The following MAGI1 variants were observed in gnomAD, a reference collection of about 807,000 sequenced individuals.
The protein encoded by MAGI1 is membrane-associated guanylate kinase, WW and PDZ domain-containing protein 1.
MAGI1 carries 58 observed loss-of-function variants against 139.9 expected under a neutral mutation model. The observed-to-expected ratio is 0.41, with a 90% CI of 0.34 to 0.52. MAGI1 has a LOEUF of 0.52. Among genes scored for constraint, MAGI1 ranks in the 20% least tolerant of loss-of-function variants. The pLI is 0.12. For synonymous variants in MAGI1, 812 were observed against 737.9 expected (o/e 1.10, Z -1.63); for missense variants, 1,874 against 1,901.6 (o/e 0.99, Z 0.27).
intron 12 of MAGI1, among the ~76,000 whole-genome samples, chr3:65,415,623 T>G (rs1325661019): frequency 1.3e-5 from 2 of 152,192 alleles, no homozygotes; most frequent in Non-Finnish European, 2.9e-5. Context: ...TCCAATAAAA[T>G]TTCTTCAATC....
chr3:65,494,648 A>G (rs921784346), intron 2 of MAGI1, among the ~76,000 whole-genome samples: 16 of 152,226 alleles, frequency 1.1e-4, no homozygotes, highest in Admixed American at 7.9e-4. Context: ...TTCCTATATA[A>G]TAAGCAACGA....
At chr3:65,691,070 G>C (rs1576750986) in intron 1 of MAGI1, among the ~76,000 whole-genome samples, 1 of 151,900 alleles carries the variant, frequency 6.6e-6, no homozygotes, top group East Asian at 1.9e-4. Flanking sequence ...TGGGAGGCCG[G>C]GGCAGGCGGA....
chr3:65,714,838 TTC>T (rs2032019851), intron 1 of MAGI1, among the ~76,000 whole-genome samples: 1 of 152,076 alleles, frequency 6.6e-6, no homozygotes, highest in South Asian at 2.1e-4. Context: ...CATCTGAAAT[TTC>T]TGTTTACCAC....
intron 1 of MAGI1, among the ~76,000 whole-genome samples, chr3:66,008,098 T>C (rs374066245): frequency 2.0e-5 from 3 of 152,054 alleles, no homozygotes; most frequent in South Asian, 2.1e-4. Flanking sequence ...GGTTCCACCA[T>C]GTTGGCCACG....
At chr3:65,699,712 C>T (rs1230571194) in intron 1 of MAGI1, among the ~76,000 whole-genome samples, 1 of 122,944 alleles carries the variant, frequency 8.1e-6, no homozygotes, top group Non-Finnish European at 1.6e-5. Flanking sequence ...GAATATCACA[C>T]TCTGGGGACT....
intron 1 of MAGI1, among the ~76,000 whole-genome samples, chr3:65,880,908 C>CGTGTGTGTGTGTGTGTGTGTGTGTGTAT (rs1553723027): frequency 4.1e-4 from 60 of 145,680 alleles, no homozygotes; most frequent in African/African-American, 1.4e-3. Context: ...ATATCTCTGG[C>CGTGTGTGTGTGTGTGTGTGTGTGTGTAT]GTGTGTGTGT....
At chr3:65,642,125 GAACA>G (rs1199041923) in intron 1 of MAGI1, among the ~76,000 whole-genome samples, 1 of 152,112 alleles carries the variant, frequency 6.6e-6, no homozygotes, top group African/African-American at 2.4e-5. Context: ...AAAGATGAAA[GAACA>G]AATAGAAGGC....
At chr3:65,650,795 G>A (rs1265311897) in intron 1 of MAGI1, among the ~76,000 whole-genome samples, 1 of 152,168 alleles carries the variant, frequency 6.6e-6, no homozygotes, top group Non-Finnish European at 1.5e-5. Context: ...GATTTAAGCA[G>A]TGCTCCCAGG....
intron 2 of MAGI1, among the ~76,000 whole-genome samples, chr3:65,561,217 T>G (rs570760367): frequency 6.6e-6 from 1 of 152,202 alleles, no homozygotes; most frequent in Admixed American, 6.5e-5. Flanking sequence ...AAATCTTCCC[T>G]ATTTGGCAGA....
At chr3:65,985,001 C>A (rs2065806839) in intron 1 of MAGI1, among the ~76,000 whole-genome samples, 1 of 152,342 alleles carries the variant, frequency 6.6e-6, no homozygotes, top group African/African-American at 2.4e-5. Context: ...GGCCTTCTAA[C>A]TCTCCATCCA....
chr3:65,898,569 G>GCTCCTTCATTTGCTATGT (rs1404826084), intron 1 of MAGI1, among the ~76,000 whole-genome samples: 2 of 152,112 alleles, frequency 1.3e-5, no homozygotes, highest in Admixed American at 6.6e-5. Context: ...TAAGTTCATG[G>GCTCCTTCATTTGCTATGT]CTCCTTCATT....
chr3:65,834,118 A>G (rs1025405143), intron 1 of MAGI1, among the ~76,000 whole-genome samples: 1 of 152,228 alleles, frequency 6.6e-6, no homozygotes, highest in Non-Finnish European at 1.5e-5. Flanking sequence ...TAAACAACAA[A>G]GGTAACTTCA....
intron 5 of MAGI1, among the ~76,000 whole-genome samples, chr3:65,463,416 A>G (rs1262155080): frequency 1.3e-5 from 2 of 152,118 alleles, no homozygotes; most frequent in Non-Finnish European, 2.9e-5. Flanking sequence ...ATTGATTTGC[A>G]TATGTTGAAC....
At chr3:65,935,836 C>CAAA (rs2063024705) in intron 1 of MAGI1, among the ~76,000 whole-genome samples, 1 of 152,138 alleles carries the variant, frequency 6.6e-6, no homozygotes, top group Non-Finnish European at 1.5e-5. Flanking sequence ...GAAAATAAAC[C>CAAA]ATTGTGGAAA....
chr3:65,400,787 T>C (rs1432753309), intron 13 of MAGI1, among the ~76,000 whole-genome samples: 1 of 127,990 alleles, frequency 7.8e-6, no homozygotes, highest in Non-Finnish European at 1.6e-5. Context: ...TTTTTTTTTT[T>C]TTAAGAATCC....
chr3:65,655,192 TATG>T lies in MAGI1; in HGVS notation c.314-33107_314-33105del, dbSNP rs1477345532. Reference sequence around the variant, plus strand: ...TCCCGGCCTTCTAGCATTATGACAATATGATGACTGTGAGGACAGACAGAGACG... The same window carrying T: ...TCCCGGCCTTCTAGCATTATGACAATATGACTGTGAGGACAGACAGAGACG... On this transcript the variant is annotated intron_variant, in intron 1 of 22. Transcript: ENST00000402939. Among the ~76,000 whole-genome samples the T allele has an allele frequency of 5.3e-5, 8 of 152,146 alleles. No homozygotes were observed. In the East Asian group the frequency reaches 1.5e-3, roughly 29 times the overall value.
chr3:65,841,522 G>C (rs1203409965), intron 1 of MAGI1, among the ~76,000 whole-genome samples: 1 of 151,564 alleles, frequency 6.6e-6, no homozygotes, highest in Non-Finnish European at 1.5e-5. Flanking sequence ...CCGCCTCCCG[G>C]GTTCAAGCCA....
intron 2 of MAGI1, among the ~76,000 whole-genome samples, chr3:65,593,356 C>T (rs2082049393): frequency 6.6e-6 from 1 of 152,016 alleles, no homozygotes; most frequent in African/African-American, 2.4e-5. Flanking sequence ...AAGAAATATA[C>T]CCAGTGCAAT....
intron 1 of MAGI1, among the ~76,000 whole-genome samples, chr3:65,780,414 A>C (rs1026419947): frequency 2.0e-5 from 3 of 152,208 alleles, no homozygotes; most frequent in Non-Finnish European, 2.9e-5. Context: ...AAAAGCACTG[A>C]AGAAGATTTA....
Sources: allele counts gnomAD v4.1 joint callset (sites outside exome capture counted in the v4.1 genomes callset), GRCh38; gene constraint gnomAD v4.1.1; transcripts MANE v1.5; gene names NCBI Gene and HGNC (gene_info 2026-07-23, HGNC 2026-07-21).